Variants in GRID2 observed in about 807,000 individuals in gnomAD.
GRID2 encodes the protein glutamate receptor ionotropic, delta-2.
In GRID2, 33 loss-of-function variants were observed where a neutral mutation model predicts 114.8. That is an observed-to-expected ratio of 0.29 (90% CI 0.22 to 0.38). The LOEUF (loss-of-function observed/expected upper bound fraction) is 0.38, where lower values mean the gene tolerates loss of function less well. GRID2 is among the 10% of genes least tolerant of loss of function. GRID2 has a pLI of 1.00. For synonymous variants in GRID2, 505 were observed against 449.9 expected, an observed-to-expected ratio of 1.12 and a Z score of -1.55; for missense variants, 1,184 against 1,257.7, an observed-to-expected ratio of 0.94 and a Z score of 0.89.
chr4:92,332,743 A>G (rs1002010421), intron 1 of GRID2, among the ~76,000 whole-genome samples: 2 of 152,120 alleles, frequency 1.3e-5, no homozygotes, highest in African/African-American at 4.8e-5. Flanking sequence ...TTCAAAGGGG[A>G]GAAGCAGGCA....
chr4:92,867,584 T>TA (rs1201777604), intron 2 of GRID2, among the ~76,000 whole-genome samples: 1 of 79,404 alleles, frequency 1.3e-5, no homozygotes, highest in African/African-American at 8.4e-5. Flanking sequence ...GTACTATTAT[T>TA]TTTTTTTTTT....
chr4:93,396,610 T>C (rs1765356487), intron 9 of GRID2, among the ~76,000 whole-genome samples: 1 of 151,916 alleles, frequency 6.6e-6, no homozygotes, highest in African/African-American at 2.4e-5. Flanking sequence ...GATTGAGGAG[T>C]AACCGAAACT....
At chr4:92,603,983 A>G (rs1249349138) in intron 2 of GRID2, among the ~76,000 whole-genome samples, 6 of 131,562 alleles carry the variant, frequency 4.6e-5, no homozygotes, top group Non-Finnish European at 9.0e-5. Context: ...CAAAACAACA[A>G]TGAGATACTA....
chr4:93,222,636 C>T (rs979529999), intron 6 of GRID2, among the ~76,000 whole-genome samples: 2 of 149,692 alleles, frequency 1.3e-5, no homozygotes, highest in Non-Finnish European at 2.9e-5. Context: ...CCACAACAGG[C>T]CCCGGTGTGT....
Position 93,553,112 on chromosome 4 carries a change from C to T in GRID2, c.2193+37701C>T, listed in dbSNP as rs182241294. On this transcript the variant is annotated intron_variant, in intron 13 of 15. Transcript: ENST00000282020. The stretch of plus-strand genomic sequence containing the variant: ...AAACATGCGTGTGCATGTGTCTTTA[C>T]GGTAGAATGATTTATAATCCTTAGG... 2.0e-4 allele frequency among the ~76,000 whole-genome samples: 30 copies of T among 152,142 alleles called. 1 individual carries two copies. Among genetic ancestry groups the T allele is most frequent in the East Asian group, 1.9e-3 (10 of 5,168 alleles).
chr4:92,931,767 T>C lies in GRID2; in HGVS notation c.245-153228T>C, dbSNP rs79051711. On this transcript the variant is annotated intron_variant, in intron 2 of 15. Coordinates refer to ENST00000282020, the MANE Select transcript of GRID2 (RefSeq NM_001510.4). The stretch of plus-strand genomic sequence containing the variant: ...CTTCTAGTAATAAAGTCATGTGTTA[T>C]TGCCGTAAGAATATTTCAGCAAAAC... Among the ~76,000 whole-genome samples, 557 of 151,260 alleles carry C rather than the reference T, an allele frequency of 3.7e-3. 4 individuals are homozygous for C. The highest frequency in any genetic ancestry group is 0.012 in the African/African-American group (515 of 41,436).
chr4:93,001,755 A>G (rs577948878), intron 2 of GRID2, among the ~76,000 whole-genome samples: 11 of 151,856 alleles, frequency 7.2e-5, no homozygotes, highest in South Asian at 4.2e-4. Context: ...AAATTCATTC[A>G]ACATTTCAAT....
intron 14 of GRID2, among the ~76,000 whole-genome samples, chr4:93,660,405 G>A (rs1723385284): frequency 6.6e-6 from 1 of 151,930 alleles, no homozygotes; most frequent in Non-Finnish European, 1.5e-5. Context: ...ATTTCATAAT[G>A]AGAAAAAAAG....
chr4:93,738,909 G>A (rs1731147020), intron 14 of GRID2, among the ~76,000 whole-genome samples: 1 of 152,140 alleles, frequency 6.6e-6, no homozygotes, highest in Non-Finnish European at 1.5e-5. Flanking sequence ...CAACTGGAGA[G>A]AGGAAGAGGA....
In GRID2 at chr4:92,688,262, C is replaced by T. The variant is rs377519800; in HGVS notation, c.244+97976C>T. 5.2e-4 allele frequency among the ~76,000 whole-genome samples: 79 copies of T among 151,362 alleles called. No individual in the cohort carries two copies. The East Asian group carries it at 0.015, about 28-fold the overall frequency. ...ACAGGGTTTCACTATTTTGGCCAGGCTGGTCTCGAACTCCCGACCTCAGGT... is the reference window on the plus strand; with the variant it reads ...ACAGGGTTTCACTATTTTGGCCAGGTTGGTCTCGAACTCCCGACCTCAGGT... On this transcript the variant is annotated intron_variant, in intron 2 of 15. Coordinates refer to ENST00000282020, the MANE Select transcript of GRID2 (RefSeq NM_001510.4).
intron 13 of GRID2, among the ~76,000 whole-genome samples, chr4:93,572,019 A>G (rs1389702481): frequency 6.6e-6 from 1 of 152,186 alleles, no homozygotes; most frequent in East Asian, 1.9e-4. Context: ...TGAATTAAAC[A>G]TCAGAAGCAA....
chr4:92,803,241 A>G (rs1004880506), intron 2 of GRID2, among the ~76,000 whole-genome samples: 4 of 151,958 alleles, frequency 2.6e-5, no homozygotes, highest in Non-Finnish European at 5.9e-5. Context: ...TTTCACAGTG[A>G]GACTACCATT....
chr4:92,805,401 A>G (rs1578214673), intron 2 of GRID2, among the ~76,000 whole-genome samples: 1 of 152,048 alleles, frequency 6.6e-6, no homozygotes, highest in Non-Finnish European at 1.5e-5. Flanking sequence ...GTGGTCAAAT[A>G]CATTTGGGAA....
chr4:92,797,016 T>C (rs1739912435), intron 2 of GRID2, among the ~76,000 whole-genome samples: 1 of 151,956 alleles, frequency 6.6e-6, no homozygotes, highest in Admixed American at 6.6e-5. Context: ...ATTTCTTTTT[T>C]TACATTGATC....
intron 2 of GRID2, among the ~76,000 whole-genome samples, chr4:92,889,161 G>C (rs1402169648): frequency 6.6e-6 from 1 of 152,070 alleles, no homozygotes; most frequent in African/African-American, 2.4e-5. Flanking sequence ...AAGTATTTAA[G>C]AGAAAGTAAT....
At chr4:92,714,956 T>TA in intron 2 of GRID2, among the ~76,000 whole-genome samples, 1 of 152,362 alleles carries the variant, frequency 6.6e-6, no homozygotes, top group Non-Finnish European at 1.5e-5. Context: ...CCTAGTTACT[T>TA]ATGCACACTT....
chr4:93,808,167 C>T (rs1735067815), exon 2 of GRID2: 1 of 152,078 alleles, frequency 6.6e-6, no homozygotes, highest in African/African-American at 2.4e-5. Flanking sequence ...TACTGAGCAC[C>T]TTCTTCATTA....
At chr4:92,559,545 C>G (rs1727018158) in intron 1 of GRID2, among the ~76,000 whole-genome samples, 1 of 152,044 alleles carries the variant, frequency 6.6e-6, no homozygotes, top group African/African-American at 2.4e-5. Flanking sequence ...ACATGCTCAA[C>G]CTGTATTATT....
chr4:93,418,184 A>G (rs1267747489), intron 9 of GRID2, among the ~76,000 whole-genome samples: 1 of 151,720 alleles, frequency 6.6e-6, no homozygotes, highest in African/African-American at 2.4e-5. Flanking sequence ...AAATAGGAGC[A>G]CTTCTATTTC....
Sources: allele counts gnomAD v4.1 joint callset (sites outside exome capture counted in the v4.1 genomes callset), GRCh38; gene constraint gnomAD v4.1.1; transcripts MANE v1.5; gene names NCBI Gene and HGNC (gene_info 2026-07-23, HGNC 2026-07-21).